Variants in VANGL2 observed in about 807,000 individuals in gnomAD.
VANGL2 encodes the protein vang-like protein 2.
A neutral mutation model predicts 50.2 loss-of-function variants in VANGL2; 14 were observed. The observed-to-expected ratio is 0.28, with a 90% confidence interval of 0.18 to 0.44. VANGL2 has a LOEUF of 0.44. Ranked by LOEUF, VANGL2 falls within the 20% of genes least tolerant of loss-of-function variation. The pLI is 1.00. For synonymous variants in VANGL2, 295 were observed against 297.2 expected, an observed-to-expected ratio of 0.99 and a Z score of 0.08; for missense variants, 533 against 701.5, an observed-to-expected ratio of 0.76 and a Z score of 2.71.
intron 1 of VANGL2, among the ~76,000 whole-genome samples, chr1:160,407,694 A>AC (rs2101949057): frequency 6.6e-6 from 1 of 152,240 alleles, no homozygotes; most frequent in African/African-American, 2.4e-5. Flanking sequence ...AGTGTACAGG[A>AC]CACTCACTGA....
chr1:160,401,999 C>G, intron 1 of VANGL2, among the ~76,000 whole-genome samples: 1 of 152,104 alleles, frequency 6.6e-6, no homozygotes, highest in East Asian at 1.9e-4. Context: ...TGGCAAAAAT[C>G]CCGAAAAGAA....
intron 1 of VANGL2, among the ~76,000 whole-genome samples, 164 bp from the exon 2 acceptor site, chr1:160,415,481 TAGG>T (rs1651021494): frequency 6.6e-6 from 1 of 151,940 alleles, no homozygotes; most frequent in African/African-American, 2.4e-5. Flanking sequence ...TAGAGAAGGG[TAGG>T]AGGAACTGGG....
chr1:160,401,910 G>A (rs893507667), intron 1 of VANGL2, among the ~76,000 whole-genome samples: 1 of 152,060 alleles, frequency 6.6e-6, no homozygotes, highest in African/African-American at 2.4e-5. Context: ...GGGTATCAAT[G>A]TGTGTGCCTG....
At chr1:160,425,034 T>A in intron 7 of VANGL2, 84 bp from the exon 8 acceptor site, 3 of 1,605,100 alleles carry the variant, frequency 1.9e-6, no homozygotes, top group Non-Finnish European at 2.6e-6. Flanking sequence ...ACGTCCTTCT[T>A]GTCTTTGGAA....
rs530622979 is a variant in VANGL2, at chr1:160,419,981, G to T, written c.800+372G>T. Among the ~76,000 whole-genome samples, 45 of 152,274 alleles carry T rather than the reference G, an allele frequency of 3.0e-4. No homozygotes were observed. The highest frequency in any genetic ancestry group is 8.5e-4 in the Admixed American group (13 of 15,300). Reference sequence around the variant, plus strand: ...AGGCGCAGCTTCTTGTGAGCACTCAGAGTGGCCTGTGAAGTGACCTGGCCA... The same window carrying T: ...AGGCGCAGCTTCTTGTGAGCACTCATAGTGGCCTGTGAAGTGACCTGGCCA... On this transcript the variant is annotated intron_variant, in intron 4 of 7. Coordinates refer to ENST00000368061, the MANE Select transcript of VANGL2 (RefSeq NM_020335.3). This position sits in a 1 kb window ranked among gnomAD's most constrained non-coding sequence, Gnocchi z 5.8.
At chr1:160,420,758 C>G (rs1651241962) in intron 5 of VANGL2, among the ~76,000 whole-genome samples, 1 of 152,230 alleles carries the variant, frequency 6.6e-6, no homozygotes, top group Non-Finnish European at 1.5e-5. Context: ...GTCCCCTGAT[C>G]TGGCTCCTCT....
chr1:160,406,116 A>G (rs1468021177), intron 1 of VANGL2, among the ~76,000 whole-genome samples: 2 of 152,192 alleles, frequency 1.3e-5, no homozygotes, highest in Non-Finnish European at 2.9e-5. Flanking sequence ...AGTAGGCACT[A>G]TTATTGCCAT....
rs951903585 is a variant in VANGL2 at position 160,426,760 on chromosome 1, C to T, written c.*1382C>T. Reference sequence around the variant, plus strand: ...AGTAGAATTAGGAAGTACCCATATACATCCAGCCAGGATCCACATGGAGGA... The same window carrying T: ...AGTAGAATTAGGAAGTACCCATATATATCCAGCCAGGATCCACATGGAGGA... On this transcript the variant is annotated 3_prime_UTR_variant, in exon 8 of 8. Transcript: ENST00000368061. 2.6e-5 allele frequency: 4 copies of T among 152,322 alleles called. No individual in the cohort carries two copies. Among genetic ancestry groups the T allele is most frequent in the African/African-American group, 9.6e-5 (4 of 41,462 alleles). The allele number at this position is 152,322 out of a possible 1,614,324, so 9.4% of individuals were successfully genotyped here.
chr1:160,406,716 G>A (rs1023669847), intron 1 of VANGL2, among the ~76,000 whole-genome samples: 2 of 151,112 alleles, frequency 1.3e-5, no homozygotes, highest in Non-Finnish European at 2.9e-5. Flanking sequence ...TTTGTTTGTG[G>A]GTCTAGGGAG....
chr1:160,415,676 G>T lies in VANGL2; in HGVS notation c.-162G>T. On this transcript the variant is annotated 5_prime_UTR_variant, in exon 2 of 8. Coordinates refer to ENST00000368061, the MANE Select transcript of VANGL2 (RefSeq NM_020335.3). ...CGTCGCTGGATTTTCTCTGAGACAA[G>T]CCCACCCGTCCAGCAAAATAGAGTC... The T allele has an allele frequency of 1.3e-6, 1 of 794,660 alleles. No individual in the cohort carries two copies. Among genetic ancestry groups the T allele is most frequent in the Non-Finnish European group, 2.0e-6 (1 of 493,970 alleles). The allele number at this position is 794,660 out of a possible 1,614,324, so 49.2% of individuals were successfully genotyped here.
At chr1:160,405,602 T>C (rs547006325) in intron 1 of VANGL2, among the ~76,000 whole-genome samples, 8 of 143,034 alleles carry the variant, frequency 5.6e-5, no homozygotes, top group South Asian at 2.3e-4. Flanking sequence ...CCTGAGGATA[T>C]CCTGGTAATC....
chr1:160,424,036 C>T lies in VANGL2; in HGVS notation c.1074-16C>T, dbSNP rs1349833197. 2.5e-6 allele frequency: 4 copies of T among 1,613,494 alleles called. No individual in the cohort carries two copies. The highest frequency in any genetic ancestry group is 3.4e-6 in the Non-Finnish European group (4 of 1,179,724). The stretch of plus-strand genomic sequence containing the variant: ...AGAGAGGTGGGCATCTGGCCCAGTC[C>T]CCTCCTGTCCCCTAGGCTTGTAGTG... On this transcript the variant is annotated splice_polypyrimidine_tract_variant and intron_variant, in intron 6 of 7. Coordinates refer to ENST00000368061, the MANE Select transcript of VANGL2 (RefSeq NM_020335.3).
chr1:160,402,172 T>G (rs1650493905), intron 1 of VANGL2, among the ~76,000 whole-genome samples: 1 of 152,020 alleles, frequency 6.6e-6, no homozygotes, highest in Admixed American at 6.5e-5. Context: ...TTGTGGGGAA[T>G]AGGGAACAAG....
At chr1:160,420,659 C>G in intron 5 of VANGL2, 112 bp downstream of exon 5, 1 of 1,500,710 alleles carries the variant, frequency 6.7e-7, no homozygotes, top group East Asian at 2.3e-5. Flanking sequence ...AGCCCATGTT[C>G]TAGCCGCTTC....
chr1:160,412,322 G>A lies in VANGL2; in HGVS notation c.-190-3326G>A, dbSNP rs543685505. ...AGTGTGTGTGTCTAGACTCTAGTCC[G>A]TGGCAGTTGTTTACTTCTCCACCCC... On this transcript the variant is annotated intron_variant, in intron 1 of 7. Transcript: ENST00000368061. Among the ~76,000 whole-genome samples the A allele has an allele frequency of 2.0e-5, 3 of 152,074 alleles. No homozygotes were observed. The East Asian group carries it at 5.8e-4, about 29-fold the overall frequency.
intron 4 of VANGL2, 21 bp from the exon 5 acceptor site, chr1:160,420,390 C>T (rs1400882061): frequency 1.2e-6 from 2 of 1,613,876 alleles, no homozygotes; most frequent in African/African-American, 1.3e-5. Flanking sequence ...CTCCCACCCC[C>T]TCCTGCCGTC....
intron 1 of VANGL2, among the ~76,000 whole-genome samples, chr1:160,412,113 A>C (rs113371641): frequency 6.6e-6 from 1 of 152,144 alleles, no homozygotes; most frequent in Admixed American, 6.5e-5. Context: ...CTATTTTACT[A>C]ATGAGCTTAC....
rs751859442 is a variant in VANGL2 at position 160,424,193 on chromosome 1, C to T, written c.1215C>T (p.Tyr405=). 74 of 1,614,064 alleles carry T rather than the reference C, an allele frequency of 4.6e-5. No individual in the cohort carries two copies. The East Asian group carries it at 1.6e-3, about 36-fold the overall frequency. The change falls in exon 7 of 8, where the codon TAC becomes TAT. Residue 405 remains tyrosine, a synonymous_variant. Coordinates refer to ENST00000368061, the MANE Select transcript of VANGL2 (RefSeq NM_020335.3). ...FASMARAMQK[Y]LRTTKQQPYH... is the part of the protein sequence containing the mutation. ...CCATGGCCCGTGCCATGCAGAAGTA[C>T]CTTCGGACCACCAAGCAGCAGCCCT...
In VANGL2 at chr1:160,405,306, C is replaced by T. The variant is rs369274789; in HGVS notation, c.-191+4437C>T. Among the ~76,000 whole-genome samples the T allele has an allele frequency of 3.6e-3, 543 of 152,228 alleles. 3 individuals carry two copies. The highest frequency in any genetic ancestry group is 0.012 in the African/African-American group (512 of 41,546). Reference sequence around the variant, plus strand: ...TAAGTCCTACTCACATTCTACCCTACGGCGGCCCTCCCCTTCTTTATCCTG... The same window carrying T: ...TAAGTCCTACTCACATTCTACCCTATGGCGGCCCTCCCCTTCTTTATCCTG... On this transcript the variant is annotated intron_variant, in intron 1 of 7. Coordinates refer to ENST00000368061, the MANE Select transcript of VANGL2 (RefSeq NM_020335.3).
Sources: gnomAD v4.1 joint callset for allele counts (sites outside exome capture counted in the v4.1 genomes callset) on GRCh38, gnomAD v4.1.1 for gene constraint, Gnocchi (gnomAD v3.1) non-coding constraint, MANE v1.5 for transcripts, NCBI Gene and HGNC (gene_info 2026-07-23, HGNC 2026-07-21) for gene names.